CNTN5: variants seen among roughly 807,000 people sequenced by gnomAD.
The protein encoded by CNTN5 is contactin 5.
CNTN5 carries 77 observed loss-of-function variants against 129.1 expected under a neutral mutation model. The ratio of observed to expected loss-of-function variants is 0.60; its 90% CI spans 0.50 to 0.72. The LOEUF (loss-of-function observed/expected upper bound fraction) is 0.72. Ranked by LOEUF, CNTN5 falls within the 30% of genes least tolerant of loss-of-function variation. The pLI is 0.00. For synonymous variants in CNTN5, 509 were observed against 465.6 expected (o/e 1.09, Z -1.20); for missense variants, 1,478 against 1,328.8 (o/e 1.11, Z -1.75).
At position 99,530,506 on chromosome 11, in the gene CNTN5, C is replaced by T. The variant is rs531176801; in HGVS notation, c.-70-25639C>T. On this transcript the variant is annotated intron_variant, in intron 2 of 24. Transcript: ENST00000524871. Reference sequence around the variant, plus strand: ...AAAAGATAAGCCAAACTTTCCACAGCCCTGAACCTCATGGATCTTACACTC... The same window carrying T: ...AAAAGATAAGCCAAACTTTCCACAGTCCTGAACCTCATGGATCTTACACTC... Among the ~76,000 whole-genome samples, 9 of 152,266 alleles carry T rather than the reference C, an allele frequency of 5.9e-5. No individual in the cohort carries two copies. The South Asian group carries it at 1.9e-3, about 32-fold the overall frequency.
chr11:99,949,254 G>A (rs1246463193), intron 7 of CNTN5, among the ~76,000 whole-genome samples: 1 of 152,098 alleles, frequency 6.6e-6, no homozygotes, highest in Non-Finnish European at 1.5e-5. Context: ...TATGCCCACT[G>A]GTGTCTTGAT....
intron 8 of CNTN5, among the ~76,000 whole-genome samples, chr11:99,991,292 C>A (rs1371506739): frequency 6.6e-6 from 1 of 151,970 alleles, no homozygotes; most frequent in South Asian, 2.1e-4. Flanking sequence ...ACGGTGAAAC[C>A]CCGTCTCTAC....
intron 2 of CNTN5, among the ~76,000 whole-genome samples, chr11:99,330,212 AGG>A (rs1409061520): frequency 6.7e-6 from 1 of 149,954 alleles, no homozygotes; most frequent in Non-Finnish European, 1.5e-5. Flanking sequence ...GAGGAAGGAA[AGG>A]GAGAAGGAAG....
chr11:99,401,510 G>A (rs976507361), intron 2 of CNTN5, among the ~76,000 whole-genome samples: 2 of 152,128 alleles, frequency 1.3e-5, no homozygotes, highest in Non-Finnish European at 2.9e-5. Flanking sequence ...TTTGAAGTCA[G>A]GTAATGTGCT....
intron 1 of CNTN5, among the ~76,000 whole-genome samples, chr11:99,306,532 T>G (rs1393748626): frequency 6.6e-6 from 1 of 152,056 alleles, no homozygotes; most frequent in Non-Finnish European, 1.5e-5. Context: ...AGATTATATA[T>G]TGTTTCAGAG....
intron 11 of CNTN5, 71 bp from the exon 12 acceptor site, chr11:100,071,634 A>G (rs1943927166): frequency 8.1e-7 from 1 of 1,230,120 alleles, no homozygotes; most frequent in Middle Eastern, 2.0e-4. Context: ...TTCTTAGTCT[A>G]GGAGAGAATA....
At chr11:99,201,908 A>G (rs2135633057) in intron 1 of CNTN5, among the ~76,000 whole-genome samples, 2 of 152,342 alleles carry the variant, frequency 1.3e-5, no homozygotes, top group South Asian at 4.1e-4. Flanking sequence ...ACAGAAAGAT[A>G]GTAGACTTGT....
intron 1 of CNTN5, among the ~76,000 whole-genome samples, chr11:99,182,204 T>C (rs183995433): frequency 3.3e-5 from 5 of 152,328 alleles, no homozygotes; most frequent in Non-Finnish European, 7.3e-5. Flanking sequence ...CCATTAATTT[T>C]TCATATTTTA....
At chr11:100,002,670 A>G (rs1939948029) in intron 9 of CNTN5, among the ~76,000 whole-genome samples, 1 of 152,136 alleles carries the variant, frequency 6.6e-6, no homozygotes, top group African/African-American at 2.4e-5. Flanking sequence ...GAAAGAATTT[A>G]TGTCACATGC....
At chr11:99,612,158 G>A (rs574802174) in intron 3 of CNTN5, among the ~76,000 whole-genome samples, 3 of 152,274 alleles carry the variant, frequency 2.0e-5, no homozygotes, top group East Asian at 3.9e-4. Flanking sequence ...CCATCCCTAC[G>A]AGGAAACTGA....
chr11:99,266,329 TGGCTTACACA>T (rs1382243865), intron 1 of CNTN5, among the ~76,000 whole-genome samples: 1 of 152,154 alleles, frequency 6.6e-6, no homozygotes, highest in African/African-American at 2.4e-5. Context: ...CCAGTTACAG[TGGCTTACACA>T]GGTAATCCCA....
At chr11:100,258,381 A>G (rs1022786932) in intron 17 of CNTN5, among the ~76,000 whole-genome samples, 22 of 152,240 alleles carry the variant, frequency 1.4e-4, no homozygotes, top group African/African-American at 5.1e-4. Flanking sequence ...ATTATCCAGG[A>G]GAACTTCCCC....
intron 1 of CNTN5, among the ~76,000 whole-genome samples, chr11:99,169,530 A>G (rs1482982743): frequency 1.3e-5 from 2 of 152,166 alleles, no homozygotes; most frequent in Non-Finnish European, 1.5e-5. Flanking sequence ...GATGAAACCT[A>G]TGAGCCATTA....
rs116891597 is a variant in CNTN5 at position 99,060,705 on chromosome 11, A to G, written c.-210+39435A>G. On this transcript the variant is annotated intron_variant, in intron 1 of 24. Transcript: ENST00000524871. ...CAGACAATGCATCATTTTGCATTGA[A>G]TTTGAATATTTTATTGTTGTTAAAA... 5.4e-3 allele frequency among the ~76,000 whole-genome samples: 816 copies of G among 152,242 alleles called. 5 individuals carry two copies. The highest frequency in any genetic ancestry group is 8.1e-3 in the Non-Finnish European group (551 of 68,004).
chr11:99,385,321 A>G (rs184220583), intron 2 of CNTN5, among the ~76,000 whole-genome samples: 8 of 151,334 alleles, frequency 5.3e-5, no homozygotes, highest in Admixed American at 1.3e-4. Flanking sequence ...CCCCCGCCCC[A>G]CCCCTCACTG....
At chr11:100,215,184 G>A (rs1189694694) in intron 15 of CNTN5, among the ~76,000 whole-genome samples, 1 of 152,154 alleles carries the variant, frequency 6.6e-6, no homozygotes, top group Non-Finnish European at 1.5e-5. Flanking sequence ...ATGACAGTCT[G>A]AATGTAGTAC....
chr11:99,883,991 G>GT (rs1948835807), intron 6 of CNTN5, among the ~76,000 whole-genome samples: 1 of 152,132 alleles, frequency 6.6e-6, no homozygotes, highest in Non-Finnish European at 1.5e-5. Context: ...TCATATTGGG[G>GT]AATATGTACA....
intron 15 of CNTN5, among the ~76,000 whole-genome samples, chr11:100,222,961 T>C (rs536150864): frequency 2.7e-5 from 4 of 150,940 alleles, no homozygotes; most frequent in African/African-American, 9.8e-5. Context: ...AACTAAATTA[T>C]TGTTTATTAA....
intron 3 of CNTN5, among the ~76,000 whole-genome samples, chr11:99,785,394 C>G (rs766715352): frequency 2.6e-5 from 4 of 152,074 alleles, no homozygotes; most frequent in Non-Finnish European, 2.9e-5. Context: ...TGCAGAAGCT[C>G]TTTAGTTTAA....
Sources: gnomAD v4.1 joint callset for allele counts (sites outside exome capture counted in the v4.1 genomes callset) on GRCh38, gnomAD v4.1.1 for gene constraint, MANE v1.5 for transcripts, NCBI Gene and HGNC (gene_info 2026-07-23, HGNC 2026-07-21) for gene names.